FGF13: variants seen among roughly 807,000 people sequenced by gnomAD.
FGF13 encodes fibroblast growth factor homologous factor 2.
In FGF13, 2 loss-of-function variants were observed where a neutral mutation model predicts 19.5. The observed-to-expected ratio is 0.10, with a 90% CI of 0.04 to 0.32. The LOEUF (loss-of-function observed/expected upper bound fraction) is 0.32, where lower values mean the gene tolerates loss of function less well. Ranked by LOEUF, FGF13 falls within the 10% of genes least tolerant of loss-of-function variation. The pLI is 1.00. For synonymous variants in FGF13, 72 were observed against 76.9 expected (o/e 0.94, Z 0.33); for missense variants, 113 against 192.7 (o/e 0.59, Z 2.45).
intron 1 of FGF13, among the ~76,000 whole-genome samples, chrX:138,993,339 G>A (rs2092026968): frequency 8.9e-6 from 1 of 111,891 alleles, no homozygotes; most frequent in Admixed American, 9.5e-5. Context: ...TATGGGAATA[G>A]AAGAAGTTAA....
At chrX:139,036,424 T>C (rs1282335064) in intron 1 of FGF13, among the ~76,000 whole-genome samples, 1 of 111,725 alleles carries the variant, frequency 9.0e-6, no homozygotes, top group Non-Finnish European at 1.9e-5. Context: ...TCCACCATTA[T>C]GTTCAAACTT....
At chrX:139,059,431 A>G (rs1428913919) in intron 1 of FGF13, among the ~76,000 whole-genome samples, 2 of 105,282 alleles carry the variant, frequency 1.9e-5, no homozygotes, top group Admixed American at 1.0e-4. Flanking sequence ...TAAAAAAAAA[A>G]GAGAGAGAGA....
At chrX:138,641,123 T>C (rs1481925675) in intron 3 of FGF13, among the ~76,000 whole-genome samples, 1 of 111,939 alleles carries the variant, frequency 8.9e-6, no homozygotes, top group Non-Finnish European at 1.9e-5. Flanking sequence ...GATTAATGTG[T>C]CTCAATACAT....
intron 1 of FGF13, among the ~76,000 whole-genome samples, chrX:139,096,615 T>C (rs1191926602): frequency 8.9e-6 from 1 of 111,796 alleles, no homozygotes; most frequent in Non-Finnish European, 1.9e-5. Context: ...TTTAATAACA[T>C]TGATTTAGCA....
downstream of FGF13, among the ~76,000 whole-genome samples, chrX:138,853,854 A>G (rs1327172026): frequency 2.7e-5 from 3 of 111,525 alleles, no homozygotes; most frequent in Non-Finnish European, 5.7e-5. Context: ...ATCTACTTGC[A>G]AGCATATTTA....
intron 1 of FGF13, among the ~76,000 whole-genome samples, chrX:138,869,494 A>G (rs2091346549): frequency 8.9e-6 from 1 of 111,999 alleles, no homozygotes. Flanking sequence ...GTTTCATTTA[A>G]AGAATGCACT....
intron 1 of FGF13, among the ~76,000 whole-genome samples, chrX:139,023,893 T>C (rs1456954171): frequency 9.0e-6 from 1 of 111,714 alleles, no homozygotes; most frequent in Non-Finnish European, 1.9e-5. Flanking sequence ...ATTTTTTCTT[T>C]TATCTTTTTC....
At chrX:138,926,719 G>T (rs924331280) in intron 1 of FGF13, among the ~76,000 whole-genome samples, 2 of 111,962 alleles carry the variant, frequency 1.8e-5, no homozygotes, top group African/African-American at 6.5e-5. Context: ...TTGGGAGGCC[G>T]AGGTGGGCAC....
In FGF13 at chrX:138,622,751, T is replaced by C. The variant is rs1373295343; in HGVS notation, c.*10099A>G. On this transcript the variant is annotated 3_prime_UTR_variant, in exon 5 of 5. Coordinates refer to ENST00000315930, the MANE Select transcript of FGF13 (RefSeq NM_004114.5). ...AAGTGATAAATAAATTCAGTGAAGTTGTAAAGATTTTTGGGGACTTATGTG... is the reference window on the plus strand; with the variant it reads ...AAGTGATAAATAAATTCAGTGAAGTCGTAAAGATTTTTGGGGACTTATGTG... The C allele has an allele frequency of 8.9e-6, 1 of 112,043 alleles. No homozygotes were observed. Among genetic ancestry groups the C allele is most frequent in the Non-Finnish European group, 1.9e-5 (1 of 53,027 alleles). The allele number at this position is 112,043 out of a possible 1,213,427, so 9.2% of individuals were successfully genotyped here. A position where few individuals can be genotyped will look rare whatever the true frequency, so the allele number is the denominator to read the frequency against.
chrX:139,074,671 C>A (rs757497636), intron 1 of FGF13, among the ~76,000 whole-genome samples: 2 of 112,121 alleles, frequency 1.8e-5, no homozygotes, highest in Non-Finnish European at 3.8e-5. Context: ...CCAATGGCTT[C>A]CCATTGTCCT....
chrX:138,677,621 A>C (rs1376230697), intron 3 of FGF13, among the ~76,000 whole-genome samples: 1 of 111,382 alleles, frequency 9.0e-6, no homozygotes, highest in African/African-American at 3.3e-5. Context: ...AATCAAAACC[A>C]CAATGAGATA....
At chrX:139,141,777 T>A (rs2083847596) in intron 1 of FGF13, among the ~76,000 whole-genome samples, 1 of 112,644 alleles carries the variant, frequency 8.9e-6, no homozygotes, top group African/African-American at 3.2e-5. Flanking sequence ...TTTCTCTGAA[T>A]AAACCATTAA....
chrX:139,030,005 C>T (rs1569444190), intron 1 of FGF13, among the ~76,000 whole-genome samples: 1 of 111,632 alleles, frequency 9.0e-6, no homozygotes, highest in Non-Finnish European at 1.9e-5. Context: ...AGAAATAGAC[C>T]TATGTAAACA....
intron 1 of FGF13, among the ~76,000 whole-genome samples, chrX:139,200,301 C>T (rs1017280306): frequency 8.9e-6 from 1 of 112,213 alleles, no homozygotes; most frequent in Non-Finnish European, 1.9e-5. Context: ...TATAGTAAAC[C>T]ACAATGATCA....
intron 3 of FGF13, among the ~76,000 whole-genome samples, chrX:138,823,230 G>A (rs1321214353): frequency 9.0e-6 from 1 of 111,404 alleles, no homozygotes; most frequent in Non-Finnish European, 1.9e-5. Context: ...ATTGGGCAGT[G>A]GGGCTATGGT....
At chrX:138,777,594 T>C (rs1219880501) in intron 3 of FGF13, among the ~76,000 whole-genome samples, 1 of 111,870 alleles carries the variant, frequency 8.9e-6, no homozygotes, top group African/African-American at 3.3e-5. Flanking sequence ...GGTTCTTTAT[T>C]TCTGTGGGCC....
intron 1 of FGF13, among the ~76,000 whole-genome samples, chrX:139,071,387 G>A (rs1004196878): frequency 9.0e-6 from 1 of 111,544 alleles, no homozygotes; most frequent in African/African-American, 3.3e-5. Flanking sequence ...ACTTAACTTT[G>A]AAAAGCATGA....
At chrX:138,810,191 C>T (rs1487830973) in intron 3 of FGF13, among the ~76,000 whole-genome samples, 2 of 111,976 alleles carry the variant, frequency 1.8e-5, no homozygotes, top group Non-Finnish European at 3.8e-5. Flanking sequence ...TGACTTCAAA[C>T]TATACTACAA....
intron 3 of FGF13, among the ~76,000 whole-genome samples, chrX:138,695,329 C>G: frequency 9.0e-6 from 1 of 111,554 alleles, no homozygotes; most frequent in South Asian, 3.8e-4. Context: ...TGGAAATGTT[C>G]TAGATTAAAA....
Sources: gnomAD v4.1 joint callset for allele counts (sites outside exome capture counted in the v4.1 genomes callset) on GRCh38, gnomAD v4.1.1 for gene constraint, MANE v1.5 for transcripts, NCBI Gene and HGNC (gene_info 2026-07-23, HGNC 2026-07-21) for gene names.